LAMB2: variants seen among roughly 807,000 people sequenced by gnomAD.
The protein encoded by LAMB2 is laminin subunit beta-2.
Under a neutral mutation model 202.7 loss-of-function variants are expected in LAMB2, and 119 were observed. The ratio of observed to expected loss-of-function variants is 0.59; its 90% CI spans 0.51 to 0.68. The LOEUF is 0.68. Among genes scored for constraint, LAMB2 ranks in the 30% least tolerant of loss-of-function variants. The pLI is 0.00. For synonymous variants in LAMB2, 818 were observed against 902.2 expected (o/e 0.91, Z 1.67); for missense variants, 2,124 against 2,410.6 (o/e 0.88, Z 2.49).
In LAMB2 at chr3:49,129,025, C is replaced by T; in HGVS notation, c.1726G>A (p.Gly576Arg). The change falls in exon 13 of 32, where the codon GGG becomes AGG. Residue 576 changes from glycine (G) to arginine (R), a missense_variant. Gly to Arg is a moderately radical substitution (Grantham distance 125). Coordinates refer to ENST00000305544, the MANE Select transcript of LAMB2 (RefSeq NM_002292.4). The surrounding 1 kb of genome is among the most constrained non-coding windows in gnomAD (Gnocchi z 6.1). The stretch of plus-strand genomic sequence containing the variant: ...CTTAGGGGGAGGCCCCACACCTGCC[C>T]TCGGGTGTCCTCAGCCTCCCAAATT... ...HLIWEAEDTRGQVLDVVERLV... is the reference protein window; with the variant it reads ...HLIWEAEDTRRQVLDVVERLV... 6.2e-7 allele frequency: 1 copy of T among 1,609,252 alleles called. No homozygotes were observed. The highest frequency in any genetic ancestry group is 8.5e-7 in the Non-Finnish European group (1 of 1,179,994).
chr3:49,123,003 C>T lies in LAMB2; in HGVS notation c.4274G>A (p.Gly1425Asp). 1 of 1,608,726 alleles carries T rather than the reference C, an allele frequency of 6.2e-7. No homozygotes were observed. The highest frequency in any genetic ancestry group is 8.5e-7 in the Non-Finnish European group (1 of 1,179,970). ...CCCATCCTCATCTCGACAGCCGGCACCCCCACAAGGGCTTGTAGCACAGGG... is the reference window on the plus strand; with the variant it reads ...CCCATCCTCATCTCGACAGCCGGCATCCCCACAAGGGCTTGTAGCACAGGG... The part of the protein sequence containing the change: ...DAPCATSPCG[G>D]AGCRDEDGQP... Residue 1425 changes from glycine to aspartate, a missense_variant, in exon 27 of 32, where the codon GGT becomes GAT. Transcript: ENST00000305544.
At chr3:49,122,475 G>T in intron 27 of LAMB2, 105 bp from the exon 28 acceptor site, 1 of 1,121,016 alleles carries the variant, frequency 8.9e-7, no homozygotes, top group Non-Finnish European at 1.4e-6. Flanking sequence ...ATAGGGGTTT[G>T]TTACCAGGCA....
In LAMB2 at chr3:49,132,429, C is replaced by A. The variant is rs1350198069; in HGVS notation, c.250-24G>T. ...TCCTGGGTTGGATGGGGATTAGAAT[C>A]AGTGCCTCAGGCAGTGCCAGCCCCA... is the stretch of plus-strand genomic sequence containing the variant. On this transcript the variant is annotated intron_variant, in intron 2 of 31. Transcript: ENST00000305544. This position sits in a 1 kb window ranked among gnomAD's most constrained non-coding sequence, Gnocchi z 4.6. 3 of 1,614,124 alleles carry A rather than the reference C, an allele frequency of 1.9e-6. No individual in the cohort carries two copies. Among genetic ancestry groups the A allele is most frequent in the Non-Finnish European group, 2.5e-6 (3 of 1,180,054 alleles).
In LAMB2 at chr3:49,130,562, T is replaced by C. The variant is rs578039754; in HGVS notation, c.1037-143A>G. 23 of 1,333,944 alleles carry C rather than the reference T, an allele frequency of 1.7e-5. No homozygotes were observed. The highest frequency in any genetic ancestry group is 1.4e-4 in the East Asian group (6 of 43,576). The allele number at this position is 1,333,944 out of a possible 1,614,324, so 82.6% of individuals were successfully genotyped here. A position where few individuals can be genotyped will look rare whatever the true frequency, so the allele number is the denominator to read the frequency against. On this transcript the variant is annotated intron_variant, in intron 8 of 31. Transcript: ENST00000305544. The surrounding 1 kb of genome is among the most constrained non-coding windows in gnomAD (Gnocchi z 5.0). ...CTTCAAGGCCTCAGCATCATACTGG[T>C]TCCCTACCCAGAGCAGACTGCAGAG... is the stretch of plus-strand genomic sequence containing the variant.
chr3:49,123,836 C>T lies in LAMB2; in HGVS notation c.3689G>A (p.Ser1230Asn), dbSNP rs2045379760. The part of the protein sequence containing the change: ...QTGVLGAFES[S>N]FWHMQEKLGI... ...CAGCTTCTCCTGCATGTGCCAGAAG[C>T]TGCTCTCAAAGGCACCCAGCACACC... is the stretch of plus-strand genomic sequence containing the variant. The change falls in exon 24 of 32, where the codon AGC becomes AAC. Residue 1230 changes from serine (S) to asparagine (N), a missense_variant. Around this residue, in one of 3 missense-constraint regions of LAMB2, gnomAD observed 1,702 missense variants for 1,896.3 expected, o/e 0.90. Coordinates refer to ENST00000305544, the MANE Select transcript of LAMB2 (RefSeq NM_002292.4). 4 of 1,613,302 alleles carry T rather than the reference C, an allele frequency of 2.5e-6. No individual in the cohort carries two copies. Among genetic ancestry groups the T allele is most frequent in the Non-Finnish European group, 3.4e-6 (4 of 1,179,868 alleles).
rs1338451588 is a variant in LAMB2 at position 49,124,877 on chromosome 3, C to A, written c.2933G>T (p.Arg978Met). The A allele has an allele frequency of 1.2e-6, 2 of 1,614,122 alleles. No individual in the cohort carries two copies. The highest frequency in any genetic ancestry group is 3.3e-5 in the Admixed American group (2 of 60,028). ...ACACAGTTGGCACCGGCCACCTGGC[C>A]TTGATGGGTCCCCAAAGTGCCCAGG... is the stretch of plus-strand genomic sequence containing the variant. ...CAPGHFGDPS[R>M]PGGRCQLCEC... is the part of the protein sequence containing the mutation. The change falls in exon 21 of 32, where the codon AGG (arginine) becomes ATG (methionine). Residue 978 changes from arginine (R) to methionine (M), a missense_variant. Physicochemically the swap from Arg to Met is moderately conservative, Grantham distance 91. Coordinates refer to ENST00000305544, the MANE Select transcript of LAMB2 (RefSeq NM_002292.4).
chr3:49,124,664 C>T, intron 21 of LAMB2, 37 bp downstream of exon 21: 1 of 1,613,690 alleles, frequency 6.2e-7, no homozygotes, highest in Non-Finnish European at 8.5e-7. Flanking sequence ...AGAAGCAGAA[C>T]CCCAATTCAG....
Position 49,131,161 on chromosome 3 carries a change from G to C in LAMB2, c.713-9C>G. On this transcript the variant is annotated splice_polypyrimidine_tract_variant and intron_variant, in intron 6 of 31. Transcript: ENST00000305544. This position sits in a 1 kb window ranked among gnomAD's most constrained non-coding sequence, Gnocchi z 5.0. ...GGTGATCTTCAACAGGTCTGAGGCG[G>C]GGGAAGGGGGGCCAACTGACCAGGC... The C allele has an allele frequency of 6.2e-7, 1 of 1,612,842 alleles. No homozygotes were observed. Among genetic ancestry groups the C allele is most frequent in the Non-Finnish European group, 8.5e-7 (1 of 1,179,778 alleles).
intron 21 of LAMB2, 44 bp from the exon 22 acceptor site, chr3:49,124,656 A>G (rs2045390895): frequency 2.5e-6 from 4 of 1,613,728 alleles, no homozygotes; most frequent in Non-Finnish European, 3.4e-6. Flanking sequence ...GGAGGCCAAG[A>G]AGCAGAACCC....
rs762162568 is a variant in LAMB2, at chr3:49,125,233, C to T, written c.2720+20G>A. 2 of 1,613,758 alleles carry T rather than the reference C, an allele frequency of 1.2e-6. No homozygotes were observed. Among genetic ancestry groups the T allele is most frequent in the Non-Finnish European group, 1.7e-6 (2 of 1,180,006 alleles). On this transcript the variant is annotated intron_variant, in intron 19 of 31. Coordinates refer to ENST00000305544, the MANE Select transcript of LAMB2 (RefSeq NM_002292.4). ...AAGCCTGCCCACCAACCAACCCACT[C>T]ATAGCTGCTCCAGTCTCACCTTTCA... is the stretch of plus-strand genomic sequence containing the variant.
chr3:49,126,337 T>A, intron 16 of LAMB2, 28 bp downstream of exon 16: 2 of 1,613,996 alleles, frequency 1.2e-6, no homozygotes, highest in Non-Finnish European at 1.7e-6. Context: ...GCCATCTTGG[T>A]TGGTGTGGGC....
rs779090962 is a variant in LAMB2, at chr3:49,131,631, A to G, written c.552T>C (p.Ala184=). ...GTGCTAGTGGGACTCCTGGGAAGTC[A>G]GCCCCACAGTCATAGGAGAAATATC... is the stretch of plus-strand genomic sequence containing the variant. The part of the protein sequence containing the change: ...VYRYFSYDCG[A]DFPGVPLAPP... Residue 184 remains alanine, a synonymous_variant, in exon 5 of 32, where the codon GCT becomes GCC. Coordinates refer to ENST00000305544, the MANE Select transcript of LAMB2 (RefSeq NM_002292.4). The surrounding 1 kb of genome is among the most constrained non-coding windows in gnomAD (Gnocchi z 5.0). 5 of 1,613,706 alleles carry G rather than the reference A, an allele frequency of 3.1e-6. No individual in the cohort carries two copies. The highest frequency in any genetic ancestry group is 4.2e-6 in the Non-Finnish European group (5 of 1,180,034).
In LAMB2 at chr3:49,122,209, C is replaced by A; in HGVS notation, c.4735G>T (p.Asp1579Tyr). The change falls in exon 28 of 32, where the codon GAT (aspartate) becomes TAT (tyrosine). Residue 1579 changes from aspartate to tyrosine, a missense_variant. By Grantham distance (160) the Asp-to-Tyr change is radical. Transcript: ENST00000305544. ...VDAILARTVG[D>Y]VRRAEQLLQD... ...AGTAGCTGCTCGGCACGACGCACAT[C>A]TCCTACAGTACGTGCCAGGATCGCA... is the stretch of plus-strand genomic sequence containing the variant. The A allele has an allele frequency of 6.2e-7, 1 of 1,613,512 alleles. No homozygotes were observed. The highest frequency in any genetic ancestry group is 1.1e-5 in the South Asian group (1 of 91,090).
At position 49,124,478 on chromosome 3, in the gene LAMB2, TGGG is replaced by T; in HGVS notation, c.3241_3243del (p.Pro1081del). The T allele has an allele frequency of 6.2e-7, 1 of 1,613,698 alleles. No individual in the cohort carries two copies. The highest frequency in any genetic ancestry group is 8.5e-7 in the Non-Finnish European group (1 of 1,180,016). ...TGGCCACTGGTGAGGTTCCAGAAGT[TGGG>T]GGCACAGCGGTCACAGCTAGGGCCC... is the stretch of plus-strand genomic sequence containing the variant. On this transcript the variant is annotated inframe_deletion, in exon 22 of 32. Transcript: ENST00000305544.
rs2045416696 is a variant in LAMB2 at position 49,126,466 on chromosome 3, C to T, written c.2050G>A (p.Glu684Lys). Residue 684 changes from glutamate (E) to lysine (K), a missense_variant, in exon 16 of 32, where the codon GAG (glutamate) becomes AAG (lysine). This residue lies in a region of LAMB2 where 1,702 missense variants were observed against 1,896.3 expected (regional missense o/e 0.90). Coordinates refer to ENST00000305544, the MANE Select transcript of LAMB2 (RefSeq NM_002292.4). ...TGCAGCTTGTAGGAGATACCAGGCT[C>T]AAGGCAGACAGGATTAGGAAATATC... is the stretch of plus-strand genomic sequence containing the variant. ...YLIFPNPVCL[E>K]PGISYKLHLK... The T allele has an allele frequency of 6.2e-7, 1 of 1,613,996 alleles. No homozygotes were observed. The highest frequency in any genetic ancestry group is 1.1e-5 in the South Asian group (1 of 91,080).
At position 49,132,608 on chromosome 3, in the gene LAMB2, C is replaced by T; in HGVS notation, c.132G>A (p.Arg44=). The change falls in exon 2 of 32, where the codon AGG becomes AGA. Residue 44 remains arginine (R), a synonymous_variant. Transcript: ENST00000305544. This position sits in a 1 kb window ranked among gnomAD's most constrained non-coding sequence, Gnocchi z 4.6. ...CGCCCGTGGCGGGGTAGCAGCTTCC[C>T]CTGGAACAGCCAGGCACATCCGGGG... The part of the protein sequence containing the change: ...APAPDVPGCS[R]GSCYPATGDL... The T allele has an allele frequency of 1.9e-6, 3 of 1,613,830 alleles. No individual in the cohort carries two copies. The highest frequency in any genetic ancestry group is 1.3e-5 in the African/African-American group (1 of 75,072).
intron 16 of LAMB2, 87 bp downstream of exon 16, chr3:49,126,278 C>T: frequency 6.2e-7 from 1 of 1,608,374 alleles, no homozygotes; most frequent in Non-Finnish European, 8.5e-7. Context: ...GGGCCTGCCT[C>T]TTCTGCCACA....
At chr3:49,127,116 G>T (rs1428698873) in intron 15 of LAMB2, among the ~76,000 whole-genome samples, 1 of 152,110 alleles carries the variant, frequency 6.6e-6, no homozygotes, top group Non-Finnish European at 1.5e-5. Flanking sequence ...CTCCCAAGCA[G>T]CTGGAACCAC....
At chr3:49,126,181 A>G (rs2045412468) in intron 16 of LAMB2, 22 bp from the exon 17 acceptor site, 1 of 1,610,754 alleles carries the variant, frequency 6.2e-7, no homozygotes, top group Non-Finnish European at 8.5e-7. Flanking sequence ...AGCAAGGAAG[A>G]TCGCAGTTCA....
Sources: allele counts gnomAD v4.1 joint callset (sites outside exome capture counted in the v4.1 genomes callset), GRCh38; gene constraint gnomAD v4.1.1; regional missense constraint gnomAD v4.1.1; non-coding constraint Gnocchi (gnomAD v3.1); transcripts MANE v1.5; gene names NCBI Gene and HGNC (gene_info 2026-07-23, HGNC 2026-07-21).